Variants in LOC102723971 observed in about 807,000 individuals in gnomAD.
chr9:135,615,429 C>T, the LOC102723971 span: 1 of 398,842 alleles, frequency 2.5e-6, no homozygotes, highest in Admixed American at 4.4e-5. Flanking sequence ...CCGGCCGACC[C>T]CCTGAGGCTC....
the LOC102723971 span, chr9:135,614,425 G>T: frequency 2.5e-6 from 1 of 393,136 alleles, no homozygotes; most frequent in Non-Finnish European, 4.5e-6. Flanking sequence ...GAGGTGCAGG[G>T]GGTGGGGCAG....
At chr9:135,617,131 A>C in the LOC102723971 span, 1 of 395,876 alleles carries the variant, frequency 2.5e-6, no homozygotes, top group African/African-American at 2.1e-5. Context: ...CCTGTCTGGG[A>C]GGGGGCCTTC....
the LOC102723971 span, chr9:135,615,420 C>T: frequency 7.3e-5 from 29 of 398,748 alleles, no homozygotes; most frequent in Admixed American, 6.2e-4. Flanking sequence ...CTGGTCTCCC[C>T]GGCCGACCCC....
the LOC102723971 span, among the ~76,000 whole-genome samples, chr9:135,619,162 C>T: frequency 1.3e-5 from 2 of 152,126 alleles, no homozygotes; most frequent in Non-Finnish European, 2.9e-5. Context: ...GCTGGGAAGG[C>T]CTCTTCCCTC....
the LOC102723971 span, among the ~76,000 whole-genome samples, chr9:135,614,721 A>C: frequency 6.6e-6 from 1 of 151,970 alleles, no homozygotes; most frequent in African/African-American, 2.4e-5. Context: ...CGAGCAGGGG[A>C]GGGGTTCACC....
chr9:135,615,685 C>T, the LOC102723971 span, among the ~76,000 whole-genome samples: 18 of 152,220 alleles, frequency 1.2e-4, no homozygotes, highest in Non-Finnish European at 5.9e-5. Context: ...AGCCCGGCCC[C>T]GGAGGCAACG....
At chr9:135,619,689 A>T in the LOC102723971 span, among the ~76,000 whole-genome samples, 1 of 152,014 alleles carries the variant, frequency 6.6e-6, no homozygotes, top group Non-Finnish European at 1.5e-5. Context: ...GGAGCCCAGG[A>T]TTCTGAAGGG....
the LOC102723971 span, among the ~76,000 whole-genome samples, chr9:135,616,049 G>A: frequency 1.4e-3 from 206 of 152,310 alleles, 1 homozygote; most frequent in African/African-American, 4.6e-3. Flanking sequence ...CACACCGCAC[G>A]GTGGCCTGCA....
At chr9:135,618,984 C>T in the LOC102723971 span, 1 of 402,566 alleles carries the variant, frequency 2.5e-6, no homozygotes, top group Non-Finnish European at 4.4e-6. Flanking sequence ...AGTCTTCCTG[C>T]CTGGGCCCCT....
chr9:135,615,232 G>A, the LOC102723971 span: 3 of 395,276 alleles, frequency 7.6e-6, no homozygotes, highest in Non-Finnish European at 1.3e-5. Context: ...GCCCCTGCAG[G>A]TGGAGGGGGT....
At chr9:135,618,275 G>A in the LOC102723971 span, among the ~76,000 whole-genome samples, 86,380 of 151,940 alleles carry the variant, frequency 0.57, 24,916 homozygotes, top group African/African-American at 0.61. Context: ...AGAGACGTTC[G>A]GTAACAAGGC....
chr9:135,616,445 G>A, the LOC102723971 span: 5 of 394,408 alleles, frequency 1.3e-5, no homozygotes, highest in South Asian at 1.4e-4. Flanking sequence ...CTGACGCCCC[G>A]GGGAGGACAG....
the LOC102723971 span, among the ~76,000 whole-genome samples, chr9:135,614,723 G>C: frequency 6.6e-6 from 1 of 152,124 alleles, no homozygotes; most frequent in Non-Finnish European, 1.5e-5. Context: ...AGCAGGGGAG[G>C]GGTTCACCCT....
the LOC102723971 span, among the ~76,000 whole-genome samples, chr9:135,618,695 G>T: frequency 6.6e-6 from 1 of 151,626 alleles, no homozygotes; most frequent in Non-Finnish European, 1.5e-5. Flanking sequence ...GGAGGGCAGG[G>T]ATGAGATCCA....
the LOC102723971 span, among the ~76,000 whole-genome samples, chr9:135,618,630 G>C: frequency 6.6e-6 from 1 of 151,818 alleles, no homozygotes. Context: ...GATGAGGTGA[G>C]GGAGGAAGGC....
the LOC102723971 span, among the ~76,000 whole-genome samples, chr9:135,614,635 T>C: frequency 6.6e-6 from 1 of 152,130 alleles, no homozygotes; most frequent in Non-Finnish European, 1.5e-5. Flanking sequence ...AGGAGAAGGC[T>C]GCAGGGCGGC....
the LOC102723971 span, chr9:135,618,142 C>T: frequency 2.5e-6 from 1 of 397,192 alleles, no homozygotes; most frequent in Non-Finnish European, 4.4e-6. Flanking sequence ...GAGGGTGTAG[C>T]CCATCCGCAC....
chr9:135,617,784 T>A, the LOC102723971 span, among the ~76,000 whole-genome samples: 1 of 152,134 alleles, frequency 6.6e-6, no homozygotes, highest in Non-Finnish European at 1.5e-5. Context: ...GAGGGGGTGC[T>A]GCCGTGGTCC....
the LOC102723971 span, chr9:135,615,277 C>T: frequency 2.5e-6 from 1 of 396,876 alleles, no homozygotes; most frequent in Non-Finnish European, 4.4e-6. Flanking sequence ...CCTCTCCCGA[C>T]CCGGCCCACA....
Sources: gnomAD v4.1 joint callset for allele counts (sites outside exome capture counted in the v4.1 genomes callset) on GRCh38, gnomAD v4.1.1 for gene constraint, MANE v1.5 for transcripts.